SLC25A21: variants seen among roughly 807,000 people sequenced by gnomAD.
The protein encoded by SLC25A21 is solute carrier family 25 member 21, also known as mitochondrial 2-oxodicarboxylate carrier.
SLC25A21 carries 47 observed loss-of-function variants against 43.8 expected under a neutral mutation model. The ratio of observed to expected loss-of-function variants is 1.07; its 90% CI spans 0.85 to 1.37. The LOEUF (loss-of-function observed/expected upper bound fraction) is 1.37, where lower values mean the gene tolerates loss of function less well. Ranked by LOEUF, SLC25A21 falls within the 40% of genes most tolerant of loss-of-function variation. SLC25A21 has a pLI of 0.00. For synonymous variants in SLC25A21, 131 were observed against 121.3 expected (o/e 1.08, Z -0.52); for missense variants, 352 against 350.2 (o/e 1.00, Z -0.04).
At chr14:36,824,145 G>A (rs1274110684) in intron 2 of SLC25A21, among the ~76,000 whole-genome samples, 1 of 152,114 alleles carries the variant, frequency 6.6e-6, no homozygotes, top group Non-Finnish European at 1.5e-5. Context: ...TGTACCTACT[G>A]TATAGCTTAT....
At chr14:36,936,106 A>G (rs1036240142) in intron 1 of SLC25A21, among the ~76,000 whole-genome samples, 1 of 152,148 alleles carries the variant, frequency 6.6e-6, no homozygotes, top group African/African-American at 2.4e-5. Flanking sequence ...AGAAGTTGAG[A>G]CAGCACCGTG....
chr14:36,742,153 C>T (rs1885294029), intron 3 of SLC25A21, among the ~76,000 whole-genome samples: 1 of 152,184 alleles, frequency 6.6e-6, no homozygotes. Flanking sequence ...AAATACAGAT[C>T]TTGCTAGTTT....
intron 1 of SLC25A21, among the ~76,000 whole-genome samples, chr14:37,137,265 G>A (rs1963498588): frequency 6.6e-6 from 1 of 152,136 alleles, no homozygotes; most frequent in African/African-American, 2.4e-5. Flanking sequence ...CTAAAGTGCT[G>A]GGATTACAGG....
At chr14:37,039,501 T>C (rs1438064647) in intron 1 of SLC25A21, among the ~76,000 whole-genome samples, 1 of 152,218 alleles carries the variant, frequency 6.6e-6, no homozygotes, top group Non-Finnish European at 1.5e-5. Context: ...AAACTTTACA[T>C]AAGTGGAATA....
chr14:36,856,109 T>C (rs1397645756), intron 2 of SLC25A21, among the ~76,000 whole-genome samples: 1 of 152,124 alleles, frequency 6.6e-6, no homozygotes, highest in Non-Finnish European at 1.5e-5. Context: ...TAGGAGGATC[T>C]CCATTACACT....
At chr14:36,909,157 A>G (rs1476409669) in intron 1 of SLC25A21, among the ~76,000 whole-genome samples, 1 of 152,178 alleles carries the variant, frequency 6.6e-6, no homozygotes, top group Non-Finnish European at 1.5e-5. Flanking sequence ...TGGTGGTGCC[A>G]TGCACTGAAA....
At chr14:36,710,824 T>C (rs1389071322) in intron 7 of SLC25A21, among the ~76,000 whole-genome samples, 4 of 152,154 alleles carry the variant, frequency 2.6e-5, no homozygotes, top group Non-Finnish European at 5.9e-5. Flanking sequence ...TCTAGAAGAA[T>C]TGATTAACTA....
chr14:37,080,934 T>C (rs2138838073), intron 1 of SLC25A21, among the ~76,000 whole-genome samples: 1 of 152,304 alleles, frequency 6.6e-6, no homozygotes, highest in Admixed American at 6.5e-5. Flanking sequence ...CCAAAAGTTG[T>C]AGGTAGAATG....
At chr14:37,090,771 C>T (rs8009630) in intron 1 of SLC25A21, among the ~76,000 whole-genome samples, 143,972 of 152,292 alleles carry the variant, frequency 0.95, 68,132 homozygotes, top group East Asian at 1. Context: ...GGTAAAGCCC[C>T]GTCCTGATAT....
At chr14:37,167,411 T>A (rs1173244463) in intron 1 of SLC25A21, among the ~76,000 whole-genome samples, 2 of 152,202 alleles carry the variant, frequency 1.3e-5, no homozygotes. Flanking sequence ...GAAATAAATC[T>A]GACCTAAGCA....
chr14:37,032,366 T>G (rs1363381699), intron 1 of SLC25A21, among the ~76,000 whole-genome samples: 1 of 151,946 alleles, frequency 6.6e-6, no homozygotes, highest in Non-Finnish European at 1.5e-5. Flanking sequence ...AAACCCTGTC[T>G]CTACCACAAA....
At chr14:37,019,671 T>C (rs1446406461) in intron 1 of SLC25A21, among the ~76,000 whole-genome samples, 3 of 151,666 alleles carry the variant, frequency 2.0e-5, no homozygotes, top group African/African-American at 7.3e-5. Flanking sequence ...ATTAAAAAAG[T>C]GTGTAAGAGG....
intron 1 of SLC25A21, among the ~76,000 whole-genome samples, chr14:36,887,526 G>A (rs1012275179): frequency 2.7e-5 from 4 of 148,456 alleles, no homozygotes; most frequent in African/African-American, 1.0e-4. Context: ...TCACGCCACT[G>A]CACTCCAGCC....
chr14:36,773,116 T>C (rs1376009415), intron 3 of SLC25A21, among the ~76,000 whole-genome samples: 1 of 152,130 alleles, frequency 6.6e-6, no homozygotes, highest in Non-Finnish European at 1.5e-5. Context: ...TTCTTGAGGA[T>C]TTCATGTTCT....
At chr14:37,136,428 T>C (rs555781974) in intron 1 of SLC25A21, among the ~76,000 whole-genome samples, 35 of 152,216 alleles carry the variant, frequency 2.3e-4, no homozygotes, top group Non-Finnish European at 4.4e-4. Flanking sequence ...AACATTTTTT[T>C]TCCTGTCACT....
At chr14:37,088,672 T>C (rs1263896900) in intron 1 of SLC25A21, among the ~76,000 whole-genome samples, 1 of 152,238 alleles carries the variant, frequency 6.6e-6, no homozygotes, top group Non-Finnish European at 1.5e-5. Context: ...CTGACAGTCA[T>C]CCATCAAACT....
At chr14:36,734,819 T>C (rs1163521078) in intron 3 of SLC25A21, among the ~76,000 whole-genome samples, 2 of 152,228 alleles carry the variant, frequency 1.3e-5, no homozygotes, top group African/African-American at 4.8e-5. Context: ...CCATTAGTTG[T>C]ACCTTAACGA....
intron 1 of SLC25A21, among the ~76,000 whole-genome samples, chr14:37,003,553 T>C (rs192054703): frequency 6.6e-6 from 1 of 152,306 alleles, no homozygotes; most frequent in African/African-American, 2.4e-5. Flanking sequence ...AGTTGGAATA[T>C]ATTCATTCAA....
chr14:36,747,041 A>C (rs1885526981), intron 3 of SLC25A21, among the ~76,000 whole-genome samples: 2 of 152,196 alleles, frequency 1.3e-5, no homozygotes, highest in South Asian at 4.1e-4. Flanking sequence ...CTATATGTAT[A>C]CATCAACAAA....
Sources: gnomAD v4.1 joint callset for allele counts (sites outside exome capture counted in the v4.1 genomes callset) on GRCh38, gnomAD v4.1.1 for gene constraint, MANE v1.5 for transcripts, NCBI Gene and HGNC (gene_info 2026-07-23, HGNC 2026-07-21) for gene names.